Variants in AGPAT4 observed in about 807,000 individuals in gnomAD.
AGPAT4 encodes 1-acylglycerol-3-phosphate O-acyltransferase 4.
Under a neutral mutation model 48.0 loss-of-function variants are expected in AGPAT4, and 15 were observed. The observed-to-expected ratio is 0.31, with a 90% confidence interval of 0.21 to 0.48. The LOEUF (loss-of-function observed/expected upper bound fraction) is 0.48, where lower values mean the gene tolerates loss of function less well. Ranked by LOEUF, AGPAT4 falls within the 20% of genes least tolerant of loss-of-function variation. AGPAT4 has a pLI of 0.99. For synonymous variants in AGPAT4, 178 were observed against 198.7 expected (o/e 0.90, Z 0.88); for missense variants, 314 against 482.5 (o/e 0.65, Z 3.27).
Position 161,251,688 on chromosome 6 carries a change from G to A in AGPAT4, c.-89-19386C>T, listed in dbSNP as rs1270913136. 6.6e-6 allele frequency among the ~76,000 whole-genome samples: 1 copy of A among 152,168 alleles called. No individual in the cohort carries two copies. Among genetic ancestry groups the A allele is most frequent in the Non-Finnish European group, 1.5e-5 (1 of 68,024 alleles). Reference sequence around the variant, plus strand: ...AACGTATTCCCAGGTGGGAATGAGGGGAGCCAGGTGGATGCCAAGCCCACT... The same window carrying A: ...AACGTATTCCCAGGTGGGAATGAGGAGAGCCAGGTGGATGCCAAGCCCACT... On this transcript the variant is annotated intron_variant, in intron 1 of 8. Transcript: ENST00000320285. The surrounding 1 kb of genome is among the most constrained non-coding windows in gnomAD (Gnocchi z 4.6).
chr6:161,182,240 G>A (rs569981020), intron 2 of AGPAT4, among the ~76,000 whole-genome samples: 11 of 142,516 alleles, frequency 7.7e-5, no homozygotes, highest in Non-Finnish European at 1.1e-4. Flanking sequence ...CCTCATCCCC[G>A]CACCTCATCC....
chr6:161,243,154 C>T lies in AGPAT4; in HGVS notation c.-89-10852G>A, dbSNP rs1018965811. The stretch of plus-strand genomic sequence containing the variant: ...ATGTTGAAATTGTCGATTTCATCAT[C>T]GTCATTGCTGCTACGTGGCTGTGGC... On this transcript the variant is annotated intron_variant, in intron 1 of 8. Transcript: ENST00000320285. The surrounding 1 kb of genome is among the most constrained non-coding windows in gnomAD (Gnocchi z 4.8). 2.0e-5 allele frequency among the ~76,000 whole-genome samples: 3 copies of T among 152,028 alleles called. No homozygotes were observed. Among genetic ancestry groups the T allele is most frequent in the South Asian group, 2.1e-4 (1 of 4,812 alleles).
intron 2 of AGPAT4, among the ~76,000 whole-genome samples, chr6:161,186,679 G>C (rs1192851712): frequency 2.0e-5 from 3 of 152,008 alleles, no homozygotes; most frequent in Non-Finnish European, 4.4e-5. Flanking sequence ...ATGACTGCAG[G>C]CTCCCCAGCA....
chr6:161,224,470 C>G (rs914369072), intron 2 of AGPAT4, among the ~76,000 whole-genome samples: 8 of 151,588 alleles, frequency 5.3e-5, no homozygotes, highest in African/African-American at 1.9e-4. Context: ...ATGGTGAAAC[C>G]CCATCTACTA....
intron 5 of AGPAT4, among the ~76,000 whole-genome samples, chr6:161,152,590 C>G (rs892204780): frequency 6.6e-6 from 1 of 152,160 alleles, no homozygotes; most frequent in Non-Finnish European, 1.5e-5. Context: ...GCCCCCTGCC[C>G]TTTGCCTCAG....
At position 161,178,117 on chromosome 6, in the gene AGPAT4, C is replaced by A. The variant is rs1459488006; in HGVS notation, c.179-11700G>T. ...GGGGTCAGGGACCCACTTGAGGAGG[C>A]AGTCTGTCCATTCTCAGATCTCAAA... On this transcript the variant is annotated intron_variant, in intron 2 of 8. Coordinates refer to ENST00000320285, the MANE Select transcript of AGPAT4 (RefSeq NM_020133.3). The surrounding 1 kb of genome is among the most constrained non-coding windows in gnomAD (Gnocchi z 5.1). Among the ~76,000 whole-genome samples, 1 of 152,314 alleles carries A rather than the reference C, an allele frequency of 6.6e-6. No individual in the cohort carries two copies. The highest frequency in any genetic ancestry group is 1.5e-5 in the Non-Finnish European group (1 of 68,032).
chr6:161,232,286 A>C lies in AGPAT4; in HGVS notation c.-73T>G. On this transcript the variant is annotated 5_prime_UTR_variant, in exon 2 of 9. Transcript: ENST00000320285. The surrounding 1 kb of genome is among the most constrained non-coding windows in gnomAD (Gnocchi z 6.8). ...AGATTTCCAGAAGGAAGAAAGATCC[A>C]GGACTCAGGAAGGCGTCTAAAACAC... is the stretch of plus-strand genomic sequence containing the variant. 1 of 1,463,048 alleles carries C rather than the reference A, an allele frequency of 6.8e-7. No homozygotes were observed. The highest frequency in any genetic ancestry group is 9.3e-7 in the Non-Finnish European group (1 of 1,078,022). The allele number at this position is 1,463,048 out of a possible 1,614,324, so 90.6% of individuals were successfully genotyped here.
Position 161,205,540 on chromosome 6 carries a change from C to A in AGPAT4, c.178+26496G>T, listed in dbSNP as rs533918013. 1.6e-4 allele frequency among the ~76,000 whole-genome samples: 24 copies of A among 152,262 alleles called. 1 individual carries two copies. Among genetic ancestry groups the A allele is most frequent in the African/African-American group, 5.5e-4 (23 of 41,550 alleles). ...ACATCTCATGGGGAAACTTAAAATC[C>A]ACTTACTTGGTTTCTACTCAGGATG... On this transcript the variant is annotated intron_variant, in intron 2 of 8. Coordinates refer to ENST00000320285, the MANE Select transcript of AGPAT4 (RefSeq NM_020133.3).
rs1479810413 is a variant in AGPAT4, at chr6:161,158,284, GC to G, written c.349-3975del. ...GCTATAACTATCATGGCTTTCCCAG[GC>G]CACTCAGAGGCTTCCATGTGTGATG... On this transcript the variant is annotated intron_variant, in intron 3 of 8. Transcript: ENST00000320285. This position sits in a 1 kb window ranked among gnomAD's most constrained non-coding sequence, Gnocchi z 5.3. Among the ~76,000 whole-genome samples the G allele has an allele frequency of 6.6e-6, 1 of 152,184 alleles. No individual in the cohort carries two copies. The highest frequency in any genetic ancestry group is 1.5e-5 in the Non-Finnish European group (1 of 68,034).
Position 161,130,634 on chromosome 6 carries a change from A to G in AGPAT4, c.*5906T>C, listed in dbSNP as rs1316897450. The G allele has an allele frequency of 3.7e-6, 1 of 269,438 alleles. No individual in the cohort carries two copies. Among genetic ancestry groups the G allele is most frequent in the Non-Finnish European group, 7.6e-6 (1 of 130,878 alleles). 16.7% of individuals were successfully genotyped at this position (269,438 alleles called of 1,614,324 possible). ...CCATGGTTAGATCTCTTTCCTTGAT[A>G]GAACAAGCAAAAGAGGGGCTGATCC... On this transcript the variant is annotated 3_prime_UTR_variant, in exon 9 of 9. Transcript: ENST00000320285.
rs151140466 is a variant in AGPAT4, at chr6:161,233,524, C to T, written c.-89-1222G>A. ...TTATGATTCCACTGAAAATTTCCAG[C>T]TTTACGATGGTGTAAAAGCAATATC... is the stretch of plus-strand genomic sequence containing the variant. On this transcript the variant is annotated intron_variant, in intron 1 of 8. Coordinates refer to ENST00000320285, the MANE Select transcript of AGPAT4 (RefSeq NM_020133.3). The surrounding 1 kb of genome is among the most constrained non-coding windows in gnomAD (Gnocchi z 5.4). 6.6e-6 allele frequency among the ~76,000 whole-genome samples: 1 copy of T among 152,316 alleles called. No homozygotes were observed. The highest frequency in any genetic ancestry group is 2.4e-5 in the African/African-American group (1 of 41,562).
In AGPAT4 at chr6:161,195,650, G is replaced by A. The variant is rs1330784089; in HGVS notation, c.179-29233C>T. Among the ~76,000 whole-genome samples, 6 of 152,160 alleles carry A rather than the reference G, an allele frequency of 3.9e-5. No individual in the cohort carries two copies. Among genetic ancestry groups the A allele is most frequent in the Non-Finnish European group, 7.3e-5 (5 of 68,034 alleles). ...GAAGGAGAAAGAGACCTTGCATCAG[G>A]CTGTGTCATGCCTCAGTCACCTTTG... On this transcript the variant is annotated intron_variant, in intron 2 of 8. Coordinates refer to ENST00000320285, the MANE Select transcript of AGPAT4 (RefSeq NM_020133.3). The surrounding 1 kb of genome is among the most constrained non-coding windows in gnomAD (Gnocchi z 5.0).
rs1782745903 is a variant in AGPAT4, at chr6:161,249,394, T to A, written c.-89-17092A>T. Among the ~76,000 whole-genome samples the A allele has an allele frequency of 1.3e-5, 2 of 152,104 alleles. No individual in the cohort carries two copies. The highest frequency in any genetic ancestry group is 1.5e-5 in the Non-Finnish European group (1 of 68,010). ...TGAACAGACAACCTACAGAATGGGA[T>A]GATATATTTGCAAACTATGCATCTG... is the stretch of plus-strand genomic sequence containing the variant. On this transcript the variant is annotated intron_variant, in intron 1 of 8. Coordinates refer to ENST00000320285, the MANE Select transcript of AGPAT4 (RefSeq NM_020133.3). The surrounding 1 kb of genome is among the most constrained non-coding windows in gnomAD (Gnocchi z 6.2).
intron 2 of AGPAT4, among the ~76,000 whole-genome samples, chr6:161,175,539 T>TA (rs1433156329): frequency 2.6e-5 from 4 of 152,184 alleles, no homozygotes; most frequent in Non-Finnish European, 4.4e-5. Context: ...TCTTCTCTCT[T>TA]AGTCTTCTTA....
intron 5 of AGPAT4, among the ~76,000 whole-genome samples, chr6:161,152,091 T>C (rs1023370871): frequency 1.3e-5 from 2 of 152,158 alleles, no homozygotes; most frequent in South Asian, 2.1e-4. Context: ...AGCCTGCTTT[T>C]CTCTCTCCTC....
rs995486350 is a variant in AGPAT4 at position 161,178,808 on chromosome 6, G to T, written c.179-12391C>A. Among the ~76,000 whole-genome samples the T allele has an allele frequency of 2.0e-5, 3 of 152,190 alleles. No individual in the cohort carries two copies. The highest frequency in any genetic ancestry group is 7.2e-5 in the African/African-American group (3 of 41,442). ...TTAAAATTTCAGTTTGCCCAATTTT[G>T]CAGATGTTGTTTTGACTGTGCTGCT... On this transcript the variant is annotated intron_variant, in intron 2 of 8. Transcript: ENST00000320285. The surrounding 1 kb of genome is among the most constrained non-coding windows in gnomAD (Gnocchi z 5.1).
In AGPAT4 at chr6:161,246,979, C is replaced by T. The variant is rs184259154; in HGVS notation, c.-89-14677G>A. 1.6e-4 allele frequency among the ~76,000 whole-genome samples: 24 copies of T among 152,318 alleles called. No homozygotes were observed. The highest frequency in any genetic ancestry group is 5.8e-4 in the African/African-American group (24 of 41,562). ...GCAGATGACACACCAAGTTATTCTCCCTGCAAAATCCACGCAGATGAACCC... is the reference window on the plus strand; with the variant it reads ...GCAGATGACACACCAAGTTATTCTCTCTGCAAAATCCACGCAGATGAACCC... On this transcript the variant is annotated intron_variant, in intron 1 of 8. Coordinates refer to ENST00000320285, the MANE Select transcript of AGPAT4 (RefSeq NM_020133.3). This position sits in a 1 kb window ranked among gnomAD's most constrained non-coding sequence, Gnocchi z 5.5.
intron 2 of AGPAT4, among the ~76,000 whole-genome samples, chr6:161,227,883 T>C (rs1304577030): frequency 1.7e-3 from 1 of 588 alleles, no homozygotes; most frequent in Non-Finnish European, 3.3e-3. Context: ...GTGGGGGTGG[T>C]GAAAGGAAGT....
At position 161,133,413 on chromosome 6, in the gene AGPAT4, T is replaced by C. The variant is rs1357965230; in HGVS notation, c.*3127A>G. 6.6e-6 allele frequency: 1 copy of C among 152,250 alleles called. No individual in the cohort carries two copies. The highest frequency in any genetic ancestry group is 2.4e-5 in the African/African-American group (1 of 41,462). 9.4% of individuals were successfully genotyped at this position (152,250 alleles called of 1,614,324 possible). ...TATTGCAGTCGAGATATTCCAGTACTACTGTGTGATCATATGAAAAAAGTT... is the reference window on the plus strand; with the variant it reads ...TATTGCAGTCGAGATATTCCAGTACCACTGTGTGATCATATGAAAAAAGTT... On this transcript the variant is annotated 3_prime_UTR_variant, in exon 9 of 9. Transcript: ENST00000320285.
Sources: allele counts gnomAD v4.1 joint callset (sites outside exome capture counted in the v4.1 genomes callset), GRCh38; gene constraint gnomAD v4.1.1; non-coding constraint Gnocchi (gnomAD v3.1); transcripts MANE v1.5; gene names NCBI Gene and HGNC (gene_info 2026-07-23, HGNC 2026-07-21).